TRIM9: variants seen among roughly 807,000 people sequenced by gnomAD.
The protein encoded by TRIM9 is E3 ubiquitin-protein ligase TRIM9.
TRIM9 carries 26 observed loss-of-function variants against 78.3 expected under a neutral mutation model. The observed-to-expected ratio is 0.33, with a 90% CI of 0.24 to 0.46. The LOEUF (loss-of-function observed/expected upper bound fraction) is 0.46, where lower values mean the gene tolerates loss of function less well. Among genes scored for constraint, TRIM9 ranks in the 20% least tolerant of loss-of-function variants. The probability of loss-of-function intolerance (pLI) is 1.00; values close to 1 mark genes in which losing one functional copy is unlikely to be tolerated. For synonymous variants in TRIM9, 398 were observed against 416.5 expected, an observed-to-expected ratio of 0.96 and a Z score of 0.54; for missense variants, 787 against 1,036.4, an observed-to-expected ratio of 0.76 and a Z score of 3.30.
chr14:51,047,168 T>C (rs557426278), intron 1 of TRIM9, among the ~76,000 whole-genome samples: 9 of 152,280 alleles, frequency 5.9e-5, no homozygotes, highest in Non-Finnish European at 1.0e-4. Context: ...TGGCTTTAAG[T>C]CTCTGGGCCT....
chr14:51,059,229 T>C (rs2061139203), intron 1 of TRIM9, among the ~76,000 whole-genome samples: 1 of 152,214 alleles, frequency 6.6e-6, no homozygotes, highest in South Asian at 2.1e-4. Flanking sequence ...AAACAGCACT[T>C]CAATAACTTT....
At chr14:50,993,834 A>T (rs913987708) in intron 7 of TRIM9, among the ~76,000 whole-genome samples, 10 of 152,182 alleles carry the variant, frequency 6.6e-5, no homozygotes, top group African/African-American at 2.4e-4. Context: ...TTGGCGGCTT[A>T]AAGTCCTGGA....
intron 1 of TRIM9, among the ~76,000 whole-genome samples, chr14:51,043,825 T>C (rs1319116080): frequency 6.9e-6 from 1 of 145,154 alleles, no homozygotes; most frequent in African/African-American, 2.5e-5. Flanking sequence ...AGTGGTCCTG[T>C]TTGGTTTAAC....
chr14:50,999,995 C>CCT (rs1300742972), intron 6 of TRIM9, among the ~76,000 whole-genome samples: 1 of 152,132 alleles, frequency 6.6e-6, no homozygotes, highest in Non-Finnish European at 1.5e-5. Flanking sequence ...GATAGGGCTC[C>CCT]CTCACCTTGG....
At chr14:51,057,204 A>C (rs2060959674) in intron 1 of TRIM9, among the ~76,000 whole-genome samples, 1 of 152,218 alleles carries the variant, frequency 6.6e-6, no homozygotes, top group East Asian at 1.9e-4. Flanking sequence ...TTTCAATGAG[A>C]AGCAGATTAT....
intron 1 of TRIM9, among the ~76,000 whole-genome samples, chr14:51,054,605 G>A (rs115556053): frequency 0.022 from 3,292 of 151,594 alleles, 126 homozygotes; most frequent in African/African-American, 0.075. Flanking sequence ...TTTTTAGAAG[G>A]AGTTTCGCTC....
rs34933389 is a variant in TRIM9 at position 51,083,441 on chromosome 14, T to TA, written c.822+10676dup. Among the ~76,000 whole-genome samples the TA allele has an allele frequency of 2.6e-5, 4 of 151,910 alleles. No homozygotes were observed. The South Asian group carries it at 8.3e-4, about 32-fold the overall frequency. On this transcript the variant is annotated intron_variant, in intron 1 of 12. Coordinates refer to ENST00000684578, the MANE Select transcript of TRIM9 (RefSeq NM_001387360.1). Reference sequence around the variant, plus strand: ...AGCTAATTAAAAAAAATTTTTTTTTTAGAGATCAGGTCTCAGTATGTTGCC... The same window carrying TA: ...AGCTAATTAAAAAAAATTTTTTTTTTAAGAGATCAGGTCTCAGTATGTTGCC...
intron 1 of TRIM9, among the ~76,000 whole-genome samples, chr14:51,040,753 T>C (rs189372722): frequency 1.3e-5 from 2 of 152,378 alleles, no homozygotes; most frequent in Admixed American, 1.3e-4. Flanking sequence ...ACCTTTCATA[T>C]TAATGATGAA....
intron 5 of TRIM9, 151 bp downstream of exon 5, chr14:51,008,929 G>T: frequency 1.3e-6 from 1 of 749,482 alleles, no homozygotes; most frequent in East Asian, 2.6e-5. Flanking sequence ...CTGAAAGGTA[G>T]GTCACACATT....
At chr14:51,014,049 A>AATAATAATAAT (rs2056879943) in intron 3 of TRIM9, among the ~76,000 whole-genome samples, 1 of 152,220 alleles carries the variant, frequency 6.6e-6, no homozygotes, top group Non-Finnish European at 1.5e-5. Flanking sequence ...AATAATAAGG[A>AATAATAATAAT]CAGATCAAAT....
intron 1 of TRIM9, among the ~76,000 whole-genome samples, chr14:51,035,867 C>G (rs1304429160): frequency 1.3e-5 from 2 of 152,208 alleles, no homozygotes; most frequent in African/African-American, 4.8e-5. Flanking sequence ...TTGGTAACTG[C>G]CTAACAACGC....
intron 7 of TRIM9, chr14:50,996,276 T>C (rs1177628800): frequency 2.0e-6 from 2 of 985,306 alleles, no homozygotes; most frequent in African/African-American, 3.5e-5. Context: ...GTTTGTTTCA[T>C]CTAGAAAATG....
At chr14:51,053,327 C>G (rs960256335) in intron 1 of TRIM9, among the ~76,000 whole-genome samples, 1 of 151,442 alleles carries the variant, frequency 6.6e-6, no homozygotes, top group Non-Finnish European at 1.5e-5. Flanking sequence ...TTAGGTCCTC[C>G]CACAGTATTT....
chr14:51,052,827 C>T (rs954957399), intron 1 of TRIM9, among the ~76,000 whole-genome samples: 3 of 152,110 alleles, frequency 2.0e-5, no homozygotes, highest in East Asian at 1.9e-4. Flanking sequence ...GTGCACTATA[C>T]GAGCCCCATA....
At chr14:51,077,386 GT>G (rs146912763) in intron 1 of TRIM9, among the ~76,000 whole-genome samples, 3,139 of 97,278 alleles carry the variant, frequency 0.032, 45 homozygotes, top group Admixed American at 0.1. Context: ...CTCCAATTCT[GT>G]TTTTTTTTTT....
chr14:51,090,423 T>C (rs1281710399), intron 1 of TRIM9, among the ~76,000 whole-genome samples: 3 of 152,238 alleles, frequency 2.0e-5, no homozygotes, highest in Non-Finnish European at 4.4e-5. Context: ...ACTGACAGTT[T>C]ATTTTAAAAT....
At chr14:50,999,346 T>C (rs1481152161) in intron 6 of TRIM9, among the ~76,000 whole-genome samples, 2 of 150,882 alleles carry the variant, frequency 1.3e-5, no homozygotes, top group Non-Finnish European at 2.9e-5. Context: ...AACTGACAAA[T>C]AGGATTTTAC....
chr14:51,037,302 G>C (rs1031931553), intron 1 of TRIM9, among the ~76,000 whole-genome samples: 2 of 152,116 alleles, frequency 1.3e-5, no homozygotes, highest in Non-Finnish European at 2.9e-5. Flanking sequence ...GTGTAGGTTA[G>C]CTAGGAAACC....
intron 1 of TRIM9, among the ~76,000 whole-genome samples, chr14:51,063,873 T>C (rs193082768): frequency 8.1e-4 from 123 of 152,246 alleles, no homozygotes; most frequent in Non-Finnish European, 4.1e-4. Flanking sequence ...TGAAACAAGA[T>C]TGCAACTTGA....
Sources: gnomAD v4.1 joint callset for allele counts (sites outside exome capture counted in the v4.1 genomes callset) on GRCh38, gnomAD v4.1.1 for gene constraint, MANE v1.5 for transcripts, NCBI Gene and HGNC (gene_info 2026-07-23, HGNC 2026-07-21) for gene names.